The following SYN2 variants were observed in gnomAD, a reference collection of about 807,000 sequenced individuals.
SYN2 encodes synapsin II.
SYN2 carries 19 observed loss-of-function variants against 50.9 expected under a neutral mutation model. That is an observed-to-expected ratio of 0.37 (90% confidence interval 0.26 to 0.55). The LOEUF (loss-of-function observed/expected upper bound fraction) is 0.55, where lower values mean the gene tolerates loss of function less well. Ranked by LOEUF, SYN2 falls within the 20% of genes least tolerant of loss-of-function variation. SYN2 has a pLI of 0.81. For synonymous variants in SYN2, 255 were observed against 224.9 expected (o/e 1.13, Z -1.20); for missense variants, 587 against 576.4 (o/e 1.02, Z -0.19).
At position 12,183,318 on chromosome 3, in the gene SYN2, A is replaced by G. The variant is rs769573887; in HGVS notation, c.1315A>G (p.Thr439Ala). The change falls in exon 11 of 13, where the codon ACA becomes GCA. Residue 439 changes from threonine to alanine, a missense_variant. Physicochemically the swap from Thr to Ala is moderately conservative, Grantham distance 58. Transcript: ENST00000621198. The part of the protein sequence containing the change: ...PLTTQQPQSG[T>A]LKDPDSSKTP... Reference sequence around the variant, plus strand: ...TTACATTTTTGTCTTCCAGAGCGGAACACTTAAGGATCCGGACTCAAGCAA... The same window carrying G: ...TTACATTTTTGTCTTCCAGAGCGGAGCACTTAAGGATCCGGACTCAAGCAA... The G allele has an allele frequency of 1.2e-6, 2 of 1,610,228 alleles. No individual in the cohort carries two copies. The highest frequency in any genetic ancestry group is 2.2e-5 in the South Asian group (2 of 90,212).
Position 12,190,968 on chromosome 3 carries a change from G to C in SYN2, c.*343G>C. 1.9e-6 allele frequency: 2 copies of C among 1,041,452 alleles called. No homozygotes were observed. The highest frequency in any genetic ancestry group is 2.3e-6 in the Non-Finnish European group (2 of 866,902). The allele number at this position is 1,041,452 out of a possible 1,614,324, so 64.5% of individuals were successfully genotyped here. ...CTTCCCTGTGAAACCAGGATTAATCGTGGACTCCTGGCAGCTTAACCTAGC... is the reference window on the plus strand; with the variant it reads ...CTTCCCTGTGAAACCAGGATTAATCCTGGACTCCTGGCAGCTTAACCTAGC... On this transcript the variant is annotated 3_prime_UTR_variant, in exon 13 of 13. Transcript: ENST00000621198.
chr3:12,145,924 G>T (rs899855130), intron 4 of SYN2, 89 bp downstream of exon 4: 2 of 1,554,526 alleles, frequency 1.3e-6, no homozygotes, highest in Non-Finnish European at 1.8e-6. Flanking sequence ...GATGCAGTAG[G>T]CCCCAGCCCC....
intron 7 of SYN2, among the ~76,000 whole-genome samples, chr3:12,163,984 G>A (rs764056876): frequency 3.9e-5 from 6 of 152,072 alleles, no homozygotes; most frequent in Non-Finnish European, 5.9e-5. Context: ...TGAGGTGGGA[G>A]GATCACTTGA....
At chr3:12,145,880 C>T in intron 4 of SYN2, 45 bp downstream of exon 4, 1 of 1,607,008 alleles carries the variant, frequency 6.2e-7, no homozygotes, top group Non-Finnish European at 8.5e-7. Context: ...AGGATTCAGG[C>T]CCTACATCTC....
At chr3:12,037,903 A>ATC (rs1694532270) in intron 1 of SYN2, among the ~76,000 whole-genome samples, 1 of 152,104 alleles carries the variant, frequency 6.6e-6, no homozygotes, top group African/African-American at 2.4e-5. Context: ...CATGTTTTTA[A>ATC]TTTTGATGAA....
intron 1 of SYN2, among the ~76,000 whole-genome samples, chr3:12,037,188 C>G (rs182535125): frequency 6.6e-6 from 1 of 152,326 alleles, no homozygotes; most frequent in African/African-American, 2.4e-5. Context: ...AAGATTTAGG[C>G]TCTTCCTACA....
rs538865995 is a variant in SYN2 at position 12,157,334 on chromosome 3, A to G, written c.775-4212A>G. The G allele has an allele frequency of 3.7e-5, 58 of 1,567,024 alleles. No homozygotes were observed. The South Asian group carries it at 3.8e-4, about 10-fold the overall frequency. ...CCAGCCCTCCCAGAACACAGACTCC[A>G]CTTTCTCCATCAGCCTTAGGGGCTA... On this transcript the variant is annotated intron_variant, in intron 5 of 12. Coordinates refer to ENST00000621198, the MANE Select transcript of SYN2 (RefSeq NM_133625.6).
intron 1 of SYN2, among the ~76,000 whole-genome samples, chr3:12,136,820 A>G (rs921520487): frequency 3.9e-5 from 6 of 152,180 alleles, no homozygotes; most frequent in African/African-American, 1.2e-4. Context: ...AAATGTTACA[A>G]TAGGGGGAAA....
At chr3:12,082,288 G>A (rs979828458) in intron 1 of SYN2, among the ~76,000 whole-genome samples, 2 of 152,282 alleles carry the variant, frequency 1.3e-5, no homozygotes, top group African/African-American at 4.8e-5. Flanking sequence ...ACTTGGGCCT[G>A]GTCACATGGA....
At chr3:12,157,258 C>A in intron 5 of SYN2, 1 of 832,762 alleles carries the variant, frequency 1.2e-6, no homozygotes. Flanking sequence ...CATCCAGTTC[C>A]ACTTCAGTAT....
intron 1 of SYN2, among the ~76,000 whole-genome samples, chr3:12,017,443 T>C (rs1438893811): frequency 2.0e-5 from 3 of 152,182 alleles, no homozygotes; most frequent in Non-Finnish European, 4.4e-5. Context: ...GCTTCCATGC[T>C]CCTAACCATC....
At chr3:12,135,284 CA>C (rs1696874226) in intron 1 of SYN2, among the ~76,000 whole-genome samples, 1 of 152,194 alleles carries the variant, frequency 6.6e-6, no homozygotes, top group Non-Finnish European at 1.5e-5. Context: ...TTTACCCTAA[CA>C]GTGTAGGTGG....
At chr3:12,060,722 C>T (rs1043615374) in intron 1 of SYN2, among the ~76,000 whole-genome samples, 17 of 152,158 alleles carry the variant, frequency 1.1e-4, no homozygotes. Context: ...GCACTTACCA[C>T]TGCAGCATGT....
chr3:12,137,521 C>T (rs180924043), intron 1 of SYN2, among the ~76,000 whole-genome samples: 2 of 152,232 alleles, frequency 1.3e-5, no homozygotes, highest in East Asian at 1.9e-4. Flanking sequence ...GTTTGTAATA[C>T]CAAAAGCAAG....
At chr3:12,073,247 G>T (rs1165195574) in intron 1 of SYN2, among the ~76,000 whole-genome samples, 1 of 152,174 alleles carries the variant, frequency 6.6e-6, no homozygotes, top group East Asian at 1.9e-4. Flanking sequence ...CTTCTTCAGA[G>T]AATAAATTCT....
At chr3:12,017,906 C>A (rs1694057070) in intron 1 of SYN2, among the ~76,000 whole-genome samples, 1 of 152,212 alleles carries the variant, frequency 6.6e-6, no homozygotes, top group South Asian at 2.1e-4. Flanking sequence ...TTGATTAGCA[C>A]TGTTTTGAAA....
chr3:12,176,981 G>A (rs1698087889), intron 10 of SYN2, among the ~76,000 whole-genome samples: 1 of 152,150 alleles, frequency 6.6e-6, no homozygotes, highest in South Asian at 2.1e-4. Context: ...GGAGGGCTGG[G>A]GACTGGGGCT....
At chr3:12,164,748 C>T (rs1391229984) in intron 7 of SYN2, among the ~76,000 whole-genome samples, 2 of 152,120 alleles carry the variant, frequency 1.3e-5, no homozygotes, top group African/African-American at 4.8e-5. Context: ...TGCCCTGCAT[C>T]CCATTGTTAG....
intron 5 of SYN2, chr3:12,154,547 C>G: frequency 6.9e-7 from 1 of 1,455,718 alleles, no homozygotes; most frequent in Non-Finnish European, 9.3e-7. Flanking sequence ...GCAGCCTCCC[C>G]AATGACTTTG....
Sources: allele counts gnomAD v4.1 joint callset (sites outside exome capture counted in the v4.1 genomes callset), GRCh38; gene constraint gnomAD v4.1.1; transcripts MANE v1.5; gene names NCBI Gene and HGNC (gene_info 2026-07-23, HGNC 2026-07-21).